Variants in FXYD6 observed in about 807,000 individuals in gnomAD.
FXYD6 encodes FXYD domain-containing ion transport regulator 6.
In FXYD6, 7 loss-of-function variants were observed where a neutral mutation model predicts 16.7. That is an observed-to-expected ratio of 0.42 (90% CI 0.24 to 0.79). The LOEUF is 0.79. FXYD6 is among the 30% of genes least tolerant of loss of function. FXYD6 has a pLI of 0.28. For synonymous variants in FXYD6, 49 were observed against 43.0 expected (o/e 1.14, Z -0.54); for missense variants, 111 against 116.2 (o/e 0.95, Z 0.21).
At position 117,838,263 on chromosome 11, in the gene FXYD6, C is replaced by A. The variant is rs993534915; in HGVS notation, c.*36G>T. The A allele has an allele frequency of 5.7e-6, 4 of 702,452 alleles. No individual in the cohort carries two copies. Among genetic ancestry groups the A allele is most frequent in the African/African-American group, 5.2e-5 (3 of 57,238 alleles). The allele number at this position is 702,452 out of a possible 1,614,324, so 43.5% of individuals were successfully genotyped here. A position where few individuals can be genotyped will look rare whatever the true frequency, so the allele number is the denominator to read the frequency against. On this transcript the variant is annotated 3_prime_UTR_variant, in exon 8 of 8. Coordinates refer to ENST00000526014, the MANE Select transcript of FXYD6 (RefSeq NM_022003.4). ...TGCATCCAAAGGTTCAAGCAGCCGC[C>A]TCAGGTTCCAGAGGCTGAGGAGGAG...
At chr11:117,839,463 G>C in intron 7 of FXYD6, 1 of 389,424 alleles carries the variant, frequency 2.6e-6, no homozygotes, top group Non-Finnish European at 4.6e-6. Context: ...ATGCTACTTT[G>C]AGATTAGGAG....
In FXYD6 at chr11:117,837,833, G is replaced by T. The variant is rs1437244027; in HGVS notation, c.*466C>A. ...ACCACTGCCCGTGCTCTTACCCTAC[G>T]CATCCCTAAATCAGGGGAGGGGGCT... On this transcript the variant is annotated 3_prime_UTR_variant, in exon 8 of 8. Coordinates refer to ENST00000526014, the MANE Select transcript of FXYD6 (RefSeq NM_022003.4). The surrounding 1 kb of genome is among the most constrained non-coding windows in gnomAD (Gnocchi z 4.4). 1.5e-5 allele frequency: 4 copies of T among 264,500 alleles called. 1 individual carries two copies. The South Asian group carries it at 2.5e-4, about 17-fold the overall frequency. 16.4% of individuals were successfully genotyped at this position (264,500 alleles called of 1,614,324 possible). A position where few individuals can be genotyped will look rare whatever the true frequency, so the allele number is the denominator to read the frequency against.
In FXYD6 at chr11:117,852,282, C is replaced by G. The variant is rs76042377; in HGVS notation, c.-5-9501G>C. On this transcript the variant is annotated intron_variant, in intron 1 of 7. Coordinates refer to ENST00000526014, the MANE Select transcript of FXYD6 (RefSeq NM_022003.4). Reference sequence around the variant, plus strand: ...AATTCAGCTAAGCTGTGCCAGACCTCTGACCTAAAGAAACCATTACATAAT... The same window carrying G: ...AATTCAGCTAAGCTGTGCCAGACCTGTGACCTAAAGAAACCATTACATAAT... Among the ~76,000 whole-genome samples the G allele has an allele frequency of 0.017, 2,581 of 152,348 alleles. 233 individuals are homozygous for G. In the East Asian group the frequency reaches 0.22, roughly 13 times the overall value.
chr11:117,877,160 G>A (rs929396554), upstream of FXYD6: 1 of 152,276 alleles, frequency 6.6e-6, no homozygotes, highest in African/African-American at 2.4e-5. Flanking sequence ...AGCAGCCCAC[G>A]TTAATTGGGA....
chr11:117,840,965 A>C (rs960295775), intron 5 of FXYD6, among the ~76,000 whole-genome samples, 183 bp downstream of exon 5: 5 of 151,324 alleles, frequency 3.3e-5, no homozygotes, highest in Non-Finnish European at 5.9e-5. Context: ...CAATGTTTTG[A>C]CCTCTCCTTT....
chr11:117,841,491 C>T (rs866397857), intron 4 of FXYD6: 58 of 589,234 alleles, frequency 9.8e-5, no homozygotes, highest in East Asian at 7.7e-4. Context: ...ACTAGGGCAG[C>T]ACCTGTCTCC....
intron 5 of FXYD6, among the ~76,000 whole-genome samples, 153 bp from the exon 6 acceptor site, chr11:117,840,521 G>T (rs2056314138): frequency 6.6e-6 from 1 of 152,172 alleles, no homozygotes; most frequent in South Asian, 2.1e-4. Flanking sequence ...GGATGCATGG[G>T]ACAGAGGGAA....
intron 1 of FXYD6, among the ~76,000 whole-genome samples, chr11:117,847,231 C>T (rs1023227778): frequency 1.4e-4 from 22 of 152,176 alleles, no homozygotes; most frequent in African/African-American, 4.3e-4. Context: ...GTTAAACTCC[C>T]GAATTATTTG....
chr11:117,840,299 A>G lies in FXYD6; in HGVS notation c.259+20T>C. 1 of 1,614,142 alleles carries G rather than the reference A, an allele frequency of 6.2e-7. No individual in the cohort carries two copies. The highest frequency in any genetic ancestry group is 8.5e-7 in the Non-Finnish European group (1 of 1,179,998). ...TCTGTTCCCTCTTTTCCACCTGGGC[A>G]GGTGGTCACGGACAGTTACCATTGG... On this transcript the variant is annotated intron_variant, in intron 6 of 7. Coordinates refer to ENST00000526014, the MANE Select transcript of FXYD6 (RefSeq NM_022003.4).
rs138324470 is a variant in FXYD6, at chr11:117,871,815, C to A, written c.-6+4777G>T. Among the ~76,000 whole-genome samples, 20 of 152,274 alleles carry A rather than the reference C, an allele frequency of 1.3e-4. No individual in the cohort carries two copies. The East Asian group carries it at 3.5e-3, about 26-fold the overall frequency. On this transcript the variant is annotated intron_variant, in intron 1 of 7. Transcript: ENST00000526014. ...GACAGGTAAGGAAACTGAGGTTTAG[C>A]AAAGTGAAGAAATCCAGGAAGCATC...
chr11:117,855,173 A>C (rs985072722), intron 1 of FXYD6, among the ~76,000 whole-genome samples: 6 of 152,240 alleles, frequency 3.9e-5, no homozygotes, highest in Non-Finnish European at 8.8e-5. Flanking sequence ...CAAGCTAAAG[A>C]GTTAAGACCT....
At chr11:117,873,546 C>T (rs2057186064) in intron 1 of FXYD6, among the ~76,000 whole-genome samples, 1 of 152,366 alleles carries the variant, frequency 6.6e-6, no homozygotes, top group African/African-American at 2.4e-5. Flanking sequence ...GGGCTAGAAC[C>T]CGGCCTTTCC....
intron 6 of FXYD6, 121 bp downstream of exon 6, chr11:117,840,198 C>T: frequency 7.4e-7 from 1 of 1,354,160 alleles, no homozygotes; most frequent in Non-Finnish European, 1.1e-6. Flanking sequence ...GAGACCCACT[C>T]TCCTGGCACT....
At chr11:117,875,251 GGT>G (rs1565335506) in intron 1 of FXYD6, among the ~76,000 whole-genome samples, 1 of 151,978 alleles carries the variant, frequency 6.6e-6, no homozygotes, top group African/African-American at 2.4e-5. Flanking sequence ...TGAGTGTGAG[GGT>G]GTGTTGATTG....
chr11:117,872,697 T>C lies in FXYD6; in HGVS notation c.-6+3895A>G, dbSNP rs1430156739. The stretch of plus-strand genomic sequence containing the variant: ...CCTGGTCCGTGGGGGCCCAGCCCCT[T>C]TCCCAGGCTGTGTGCTCCCTCCCAC... On this transcript the variant is annotated intron_variant, in intron 1 of 7. Transcript: ENST00000526014. This position sits in a 1 kb window ranked among gnomAD's most constrained non-coding sequence, Gnocchi z 4.9. 3.3e-5 allele frequency among the ~76,000 whole-genome samples: 5 copies of C among 152,188 alleles called. No homozygotes were observed. The highest frequency in any genetic ancestry group is 1.2e-4 in the African/African-American group (5 of 41,444).
chr11:117,872,945 T>A lies in FXYD6; in HGVS notation c.-6+3647A>T, dbSNP rs1411036908. 6.6e-6 allele frequency among the ~76,000 whole-genome samples: 1 copy of A among 151,996 alleles called. No individual in the cohort carries two copies. The highest frequency in any genetic ancestry group is 1.5e-5 in the Non-Finnish European group (1 of 68,010). On this transcript the variant is annotated intron_variant, in intron 1 of 7. Transcript: ENST00000526014. The surrounding 1 kb of genome is among the most constrained non-coding windows in gnomAD (Gnocchi z 4.9). Reference sequence around the variant, plus strand: ...TGCAACTCTCCAGCTGGCCAGGGGTTCTCCCTGCAGAAGATTTCATGGACC... The same window carrying A: ...TGCAACTCTCCAGCTGGCCAGGGGTACTCCCTGCAGAAGATTTCATGGACC...
Position 117,838,039 on chromosome 11 carries a change from A to G in FXYD6, c.*260T>C. On this transcript the variant is annotated 3_prime_UTR_variant, in exon 8 of 8. Coordinates refer to ENST00000526014, the MANE Select transcript of FXYD6 (RefSeq NM_022003.4). Reference sequence around the variant, plus strand: ...AAGACCACAGTTAGCAAACACACACAGTCACACACACACACACACACACAC... The same window carrying G: ...AAGACCACAGTTAGCAAACACACACGGTCACACACACACACACACACACAC... 1 of 601,276 alleles carries G rather than the reference A, an allele frequency of 1.7e-6. No individual in the cohort carries two copies. 37.2% of individuals were successfully genotyped at this position (601,276 alleles called of 1,614,324 possible).
At chr11:117,858,656 T>C (rs868456263) in intron 1 of FXYD6, among the ~76,000 whole-genome samples, 2 of 76,118 alleles carry the variant, frequency 2.6e-5, no homozygotes, top group East Asian at 1.4e-3. Flanking sequence ...TCTTTCTTTC[T>C]TTCTTTCTTT....
chr11:117,838,574 G>GA (rs929392342), intron 7 of FXYD6: 4,834 of 342,886 alleles, frequency 0.014, no homozygotes, highest in Middle Eastern at 0.021. Context: ...ACTAGTTTGG[G>GA]AAAAAAAAAA....
Sources: allele counts gnomAD v4.1 joint callset (sites outside exome capture counted in the v4.1 genomes callset), GRCh38; gene constraint gnomAD v4.1.1; non-coding constraint Gnocchi (gnomAD v3.1); transcripts MANE v1.5; gene names NCBI Gene and HGNC (gene_info 2026-07-23, HGNC 2026-07-21).